MTAP: variants seen among roughly 807,000 people sequenced by gnomAD.
MTAP encodes S-methyl-5'-thioadenosine phosphorylase.
A neutral mutation model predicts 33.6 loss-of-function variants in MTAP; 33 were observed. That is an observed-to-expected ratio of 0.98 (90% CI 0.74 to 1.31). MTAP has a LOEUF of 1.31. MTAP is among the 40% of genes most tolerant of loss of function. MTAP has a pLI of 0.00. For missense variants in MTAP, 367 were observed against 360.0 expected (o/e 1.02, Z -0.16); for synonymous variants, 148 against 125.7 (o/e 1.18, Z -1.19).
At chr9:21,836,454 T>C (rs1254924904) in intron 4 of MTAP, among the ~76,000 whole-genome samples, 1 of 152,054 alleles carries the variant, frequency 6.6e-6, no homozygotes, top group African/African-American at 2.4e-5. Flanking sequence ...ATGCGGGTGT[T>C]ATGGTGTGGA....
At chr9:21,842,069 T>C (rs1178493188) in intron 5 of MTAP, among the ~76,000 whole-genome samples, 1 of 151,974 alleles carries the variant, frequency 6.6e-6, no homozygotes, top group African/African-American at 2.4e-5. Flanking sequence ...CAGAGAAATA[T>C]CATAAAGAAA....
rs1306277868 is a variant in MTAP at position 21,853,293 on chromosome 9, AG to A, written c.451-1332del. 2.6e-5 allele frequency among the ~76,000 whole-genome samples: 4 copies of A among 151,842 alleles called. No homozygotes were observed. In the East Asian group the frequency reaches 7.7e-4, roughly 29 times the overall value. ...AGTGGGCTTGTTATGTCTTAACTTT[AG>A]GGGGGAAAAGGGGGTGGGGTAGAGA... is the stretch of plus-strand genomic sequence containing the variant. On this transcript the variant is annotated intron_variant, in intron 5 of 7. Coordinates refer to ENST00000644715, the MANE Select transcript of MTAP (RefSeq NM_002451.4).
intron 4 of MTAP, among the ~76,000 whole-genome samples, chr9:21,819,763 T>C (rs1824582867): frequency 1.3e-5 from 2 of 152,244 alleles, no homozygotes. Context: ...ACCAGCAGTG[T>C]AAAAGTGTTC....
intron 1 of MTAP, among the ~76,000 whole-genome samples, chr9:21,810,377 G>T (rs1370874249): frequency 6.6e-6 from 1 of 152,122 alleles, no homozygotes; most frequent in East Asian, 1.9e-4. Flanking sequence ...AAGAGAAGAG[G>T]TTTATTTAAA....
At chr9:21,845,023 T>C in intron 5 of MTAP, among the ~76,000 whole-genome samples, 1 of 117,948 alleles carries the variant, frequency 8.5e-6, no homozygotes, top group African/African-American at 3.9e-5. Flanking sequence ...AGAGCGAGAC[T>C]CCGTCTCAAA....
At position 21,863,879 on chromosome 9, in the gene MTAP, A is replaced by C; in HGVS notation, c.*1865A>C. The C allele has an allele frequency of 1.0e-6, 1 of 985,804 alleles. No individual in the cohort carries two copies. The highest frequency in any genetic ancestry group is 1.2e-6 in the Non-Finnish European group (1 of 829,922). The allele number at this position is 985,804 out of a possible 1,614,324, so 61.1% of individuals were successfully genotyped here. ...AGTATTAATATGACTCATTAGTGTG[A>C]GCCATTTGGGTCAAGTATGATTATG... is the stretch of plus-strand genomic sequence containing the variant. On this transcript the variant is annotated 3_prime_UTR_variant, in exon 8 of 8. Transcript: ENST00000644715.
In MTAP at chr9:21,802,697, GTTC is replaced by G. The variant is rs1824079497; in HGVS notation, c.-51_-49del. ...CAGCCACCGCTCTGTGGCTCGCTTGGTTCCCTTAGTCCCGAGCGCTCGCCCACT... is the reference window on the plus strand; with the variant it reads ...CAGCCACCGCTCTGTGGCTCGCTTGGCCTTAGTCCCGAGCGCTCGCCCACT... On this transcript the variant is annotated 5_prime_UTR_variant, in exon 1 of 8. Transcript: ENST00000644715. 2 of 1,590,238 alleles carry G rather than the reference GTTC, an allele frequency of 1.3e-6. No individual in the cohort carries two copies. The highest frequency in any genetic ancestry group is 2.3e-5 in the South Asian group (2 of 87,892).
intron 7 of MTAP, chr9:21,861,770 A>G: frequency 1.7e-6 from 1 of 591,984 alleles, no homozygotes; most frequent in Non-Finnish European, 3.0e-6. Context: ...TTTACAGGAA[A>G]GGGAGGTGAG....
At chr9:21,825,304 T>C (rs1824763890) in intron 4 of MTAP, among the ~76,000 whole-genome samples, 1 of 152,222 alleles carries the variant, frequency 6.6e-6, no homozygotes, top group Non-Finnish European at 1.5e-5. Flanking sequence ...TGCTTCCATA[T>C]CTTGGCTATT....
intron 1 of MTAP, among the ~76,000 whole-genome samples, chr9:21,896,904 C>T (rs1361507007): frequency 6.6e-6 from 1 of 152,152 alleles, no homozygotes; most frequent in East Asian, 1.9e-4. Flanking sequence ...CATCCTGATA[C>T]CAAAGCCTGG....
intron 5 of MTAP, among the ~76,000 whole-genome samples, chr9:21,851,990 C>T (rs1377751918): frequency 1.3e-5 from 2 of 152,110 alleles, no homozygotes; most frequent in Non-Finnish European, 2.9e-5. Context: ...TGAGTTAATA[C>T]TTAATAAACT....
At chr9:21,885,344 G>T (rs1389357160) in intron 1 of MTAP, among the ~76,000 whole-genome samples, 3 of 152,050 alleles carry the variant, frequency 2.0e-5, no homozygotes, top group Non-Finnish European at 4.4e-5. Flanking sequence ...TAAGAGGTTG[G>T]GCAGGATTAC....
downstream of MTAP, among the ~76,000 whole-genome samples, chr9:21,940,424 A>G (rs1199000777): frequency 2.0e-5 from 3 of 152,190 alleles, no homozygotes; most frequent in Non-Finnish European, 4.4e-5. Flanking sequence ...GAGAAAAACT[A>G]TATATTAGTA....
intron 1 of MTAP, among the ~76,000 whole-genome samples, chr9:21,895,054 G>A (rs10118406): frequency 0.43 from 65,751 of 151,968 alleles, 16,731 homozygotes; most frequent in African/African-American, 0.67. Flanking sequence ...AAAACATTCC[G>A]TGCTCATAGA....
At chr9:21,850,159 T>C (rs898060365) in intron 5 of MTAP, among the ~76,000 whole-genome samples, 1 of 152,192 alleles carries the variant, frequency 6.6e-6, no homozygotes, top group African/African-American at 2.4e-5. Flanking sequence ...ACCAGACTTA[T>C]TGGTGAGGCA....
At chr9:21,901,751 C>T (rs1818396785) in intron 1 of MTAP, among the ~76,000 whole-genome samples, 1 of 152,052 alleles carries the variant, frequency 6.6e-6, no homozygotes. Flanking sequence ...CCACATGGGC[C>T]TGGAGAAGCT....
chr9:21,903,556 C>G (rs1454824073), intron 1 of MTAP, among the ~76,000 whole-genome samples: 1 of 152,024 alleles, frequency 6.6e-6, no homozygotes, highest in Admixed American at 6.6e-5. Flanking sequence ...CTGTTGAACC[C>G]AGGCACTGTA....
chr9:21,836,908 A>G (rs370439522), intron 4 of MTAP, among the ~76,000 whole-genome samples: 11 of 152,114 alleles, frequency 7.2e-5, no homozygotes, highest in Admixed American at 7.2e-4. Context: ...CAGTGAAACT[A>G]TTTCTCAGTG....
chr9:21,898,725 A>C (rs1284928824), intron 1 of MTAP, among the ~76,000 whole-genome samples: 1 of 152,230 alleles, frequency 6.6e-6, no homozygotes, highest in African/African-American at 2.4e-5. Flanking sequence ...TTAAAAAGTC[A>C]GGAAACAACA....
Sources: gnomAD v4.1 joint callset for allele counts (sites outside exome capture counted in the v4.1 genomes callset) on GRCh38, gnomAD v4.1.1 for gene constraint, MANE v1.5 for transcripts, NCBI Gene and HGNC (gene_info 2026-07-23, HGNC 2026-07-21) for gene names.